DIAPH3: variants seen among roughly 807,000 people sequenced by gnomAD.
The protein encoded by DIAPH3 is diaphanous related formin 3, also known as protein diaphanous homolog 3.
DIAPH3 carries 117 observed loss-of-function variants against 144.3 expected under a neutral mutation model. That is an observed-to-expected ratio of 0.81 (90% CI 0.70 to 0.95). The LOEUF is 0.95. DIAPH3 is among the 40% of genes least tolerant of loss of function. DIAPH3 has a pLI of 0.00. For synonymous variants in DIAPH3, 519 were observed against 488.9 expected (o/e 1.06, Z -0.81); for missense variants, 1,421 against 1,412.7 (o/e 1.01, Z -0.09).
chr13:59,729,020 T>C (rs760978782), intron 27 of DIAPH3, among the ~76,000 whole-genome samples: 12 of 151,870 alleles, frequency 7.9e-5, no homozygotes, highest in Non-Finnish European at 1.2e-4. Flanking sequence ...ACTTCACTAA[T>C]CACAATGAGA....
chr13:59,947,881 T>C (rs961675052), intron 17 of DIAPH3, among the ~76,000 whole-genome samples: 1 of 152,058 alleles, frequency 6.6e-6, no homozygotes, highest in African/African-American at 2.4e-5. Flanking sequence ...GAGTCCTACA[T>C]AGGGAAGGGA....
chr13:60,093,427 A>T (rs562747130), intron 4 of DIAPH3, among the ~76,000 whole-genome samples: 1 of 152,354 alleles, frequency 6.6e-6, no homozygotes, highest in East Asian at 1.9e-4. Context: ...CTAGCTAAAA[A>T]ACAGAAGCAG....
chr13:59,772,417 G>T (rs1366433870), intron 27 of DIAPH3, among the ~76,000 whole-genome samples: 3 of 152,020 alleles, frequency 2.0e-5, no homozygotes, highest in African/African-American at 7.2e-5. Flanking sequence ...TTAGAACAGA[G>T]AATTTGAACT....
At chr13:60,068,200 C>T (rs976272555) in intron 4 of DIAPH3, among the ~76,000 whole-genome samples, 1 of 152,160 alleles carries the variant, frequency 6.6e-6, no homozygotes, top group African/African-American at 2.4e-5. Context: ...TCTATTGGTG[C>T]TTTCATTTCT....
chr13:59,850,227 G>A (rs926243395), intron 22 of DIAPH3, among the ~76,000 whole-genome samples: 16 of 151,862 alleles, frequency 1.1e-4, no homozygotes, highest in South Asian at 2.1e-4. Flanking sequence ...GGGCTGAGAC[G>A]ATGGGGTTTT....
At chr13:60,069,150 T>G (rs980339927) in intron 4 of DIAPH3, among the ~76,000 whole-genome samples, 1 of 152,184 alleles carries the variant, frequency 6.6e-6, no homozygotes, top group Non-Finnish European at 1.5e-5. Context: ...GCACCAGTTA[T>G]TTTTTGACTT....
intron 8 of DIAPH3, among the ~76,000 whole-genome samples, chr13:60,009,105 A>T (rs1400059594): frequency 6.6e-6 from 1 of 152,202 alleles, no homozygotes; most frequent in Non-Finnish European, 1.5e-5. Flanking sequence ...GCTCTCAACC[A>T]CTGCACTCTT....
chr13:59,707,619 T>C (rs1328302744), intron 27 of DIAPH3, among the ~76,000 whole-genome samples: 1 of 152,208 alleles, frequency 6.6e-6, no homozygotes, highest in Non-Finnish European at 1.5e-5. Context: ...TTAATATTTC[T>C]ATGAAGGTGG....
At chr13:59,802,697 C>CA (rs1320923586) in intron 25 of DIAPH3, among the ~76,000 whole-genome samples, 8 of 13,398 alleles carry the variant, frequency 6.0e-4, no homozygotes, top group African/African-American at 1.4e-3. Context: ...TTTTTTGAGA[C>CA]AGAGTCTCGC....
chr13:59,937,593 G>T (rs1446395830), intron 17 of DIAPH3, among the ~76,000 whole-genome samples: 1 of 152,132 alleles, frequency 6.6e-6, no homozygotes, highest in Non-Finnish European at 1.5e-5. Flanking sequence ...GGGGAAAACA[G>T]AACACAATCA....
chr13:59,823,414 T>G (rs1354807168), intron 24 of DIAPH3, among the ~76,000 whole-genome samples: 1 of 152,200 alleles, frequency 6.6e-6, no homozygotes, highest in Admixed American at 6.5e-5. Flanking sequence ...CATATTTATT[T>G]TGTTCTAGGT....
chr13:60,029,251 T>C (rs2054610656), intron 5 of DIAPH3, among the ~76,000 whole-genome samples: 1 of 152,006 alleles, frequency 6.6e-6, no homozygotes. Context: ...CACCTCCAAT[T>C]TATCTGCAAC....
chr13:60,092,006 C>T (rs2137897841), intron 4 of DIAPH3, among the ~76,000 whole-genome samples: 1 of 151,932 alleles, frequency 6.6e-6, no homozygotes, highest in Non-Finnish European at 1.5e-5. Context: ...CCACATCCAG[C>T]TAATTTCTTT....
intron 27 of DIAPH3, 177 bp downstream of exon 27, chr13:59,774,010 AAT>A: frequency 1.6e-5 from 1 of 63,534 alleles, no homozygotes; most frequent in South Asian, 1.8e-4. Context: ...ACCTCAAGGC[AAT>A]AATATAAGGA....
chr13:60,116,588 A>AT (rs2058710465), intron 2 of DIAPH3, among the ~76,000 whole-genome samples: 1 of 150,864 alleles, frequency 6.6e-6, no homozygotes, highest in African/African-American at 2.4e-5. Context: ...ATACACACAC[A>AT]TCCAAAAAAA....
chr13:60,083,665 A>C (rs2057640378), intron 4 of DIAPH3, among the ~76,000 whole-genome samples: 1 of 152,114 alleles, frequency 6.6e-6, no homozygotes, highest in South Asian at 2.1e-4. Context: ...ACAGTAGTGC[A>C]TTTGTGGCCC....
intron 14 of DIAPH3, among the ~76,000 whole-genome samples, chr13:59,980,458 G>A (rs2050925574): frequency 6.6e-6 from 1 of 151,520 alleles, no homozygotes; most frequent in Non-Finnish European, 1.5e-5. Context: ...TGTTCCTGGT[G>A]CAGGGATAGT....
At chr13:59,885,313 C>T (rs900116942) in intron 20 of DIAPH3, among the ~76,000 whole-genome samples, 1 of 152,030 alleles carries the variant, frequency 6.6e-6, no homozygotes, top group Admixed American at 6.6e-5. Context: ...TTCATGCCCG[C>T]TTCCAGACAA....
Position 60,008,517 on chromosome 13 carries a change from C to G in DIAPH3, c.1014+27G>C, listed in dbSNP as rs339540. 0.55 allele frequency: 828,687 copies of G among 1,502,444 alleles called. 233,944 individuals are homozygous for G. The highest frequency in any genetic ancestry group is 0.6 in the Admixed American group (35,120 of 58,704). The allele number at this position is 1,502,444 out of a possible 1,614,324, so 93.1% of individuals were successfully genotyped here. On this transcript the variant is annotated intron_variant, in intron 9 of 27. Transcript: ENST00000400324. Reference sequence around the variant, plus strand: ...AAAAGTAATATATGCCATTTAAAAACAGATTTTATATACACACAAAACTTA... The same window carrying G: ...AAAAGTAATATATGCCATTTAAAAAGAGATTTTATATACACACAAAACTTA...
Sources: allele counts gnomAD v4.1 joint callset (sites outside exome capture counted in the v4.1 genomes callset), GRCh38; gene constraint gnomAD v4.1.1; transcripts MANE v1.5; gene names NCBI Gene and HGNC (gene_info 2026-07-23, HGNC 2026-07-21).